The following DNAI4 variants were observed in gnomAD, a reference collection of about 807,000 sequenced individuals.
DNAI4 encodes dynein axonemal intermediate chain 4.
A neutral mutation model predicts 105.8 loss-of-function variants in DNAI4; 85 were observed. That is an observed-to-expected ratio of 0.80 (90% confidence interval 0.67 to 0.96). DNAI4 has a LOEUF of 0.96. Ranked by LOEUF, DNAI4 falls within the 40% of genes least tolerant of loss-of-function variation. The probability of loss-of-function intolerance (pLI) is 0.00; values close to 1 mark genes in which losing one functional copy is unlikely to be tolerated. For missense variants in DNAI4, 1,014 were observed against 1,005.6 expected, an observed-to-expected ratio of 1.01 and a Z score of -0.11; for synonymous variants, 352 against 331.5, an observed-to-expected ratio of 1.06 and a Z score of -0.67.
intron 5 of DNAI4, among the ~76,000 whole-genome samples, chr1:66,872,703 A>G (rs940958110): frequency 2.0e-5 from 3 of 152,016 alleles, no homozygotes; most frequent in African/African-American, 7.2e-5. Context: ...TTATATTCCA[A>G]TGCTCTTATT....
At chr1:66,825,650 G>A (rs1180032266) in intron 15 of DNAI4, among the ~76,000 whole-genome samples, 4 of 152,116 alleles carry the variant, frequency 2.6e-5, no homozygotes, top group African/African-American at 7.2e-5. Flanking sequence ...AAAATGTGTT[G>A]TCCTGGGAAT....
intron 1 of DNAI4, 128 bp from the exon 2 acceptor site, chr1:66,905,503 A>G (rs1649176058): frequency 1.8e-6 from 1 of 543,934 alleles, no homozygotes. Context: ...AAATAATGAT[A>G]ACTATTTGAA....
intron 7 of DNAI4, among the ~76,000 whole-genome samples, chr1:66,854,566 C>A (rs940463853): frequency 6.6e-6 from 1 of 152,088 alleles, no homozygotes; most frequent in Non-Finnish European, 1.5e-5. Context: ...CACTGGGAGG[C>A]GGAGGCAGGC....
chr1:66,891,929 C>T (rs1232710184), intron 3 of DNAI4, among the ~76,000 whole-genome samples: 2 of 152,156 alleles, frequency 1.3e-5, no homozygotes, highest in African/African-American at 4.8e-5. Context: ...CTCAATCTTA[C>T]AGAGCTCTCT....
intron 15 of DNAI4, among the ~76,000 whole-genome samples, chr1:66,826,012 A>G (rs1174896308): frequency 6.6e-6 from 1 of 152,098 alleles, no homozygotes; most frequent in Non-Finnish European, 1.5e-5. Flanking sequence ...GGAAGAATAA[A>G]TTAATTTAGA....
intron 7 of DNAI4, chr1:66,848,361 C>A (rs1450397065): frequency 2.4e-6 from 1 of 418,482 alleles, no homozygotes; most frequent in Non-Finnish European, 4.7e-6. Flanking sequence ...AGACTGGGCC[C>A]AATAAGATTA....
intron 1 of DNAI4, among the ~76,000 whole-genome samples, chr1:66,911,204 CACTT>C (rs1301259281): frequency 6.6e-6 from 1 of 152,158 alleles, no homozygotes; most frequent in Non-Finnish European, 1.5e-5. Flanking sequence ...CTCAGAGAAA[CACTT>C]ACTTTTACTG....
chr1:66,911,747 C>T (rs897782181), intron 1 of DNAI4, among the ~76,000 whole-genome samples: 3 of 152,246 alleles, frequency 2.0e-5, no homozygotes, highest in African/African-American at 7.2e-5. Context: ...TTGCCTTACT[C>T]TTCATACTTG....
intron 5 of DNAI4, among the ~76,000 whole-genome samples, chr1:66,873,698 A>G (rs1646897841): frequency 6.6e-6 from 1 of 152,168 alleles, no homozygotes; most frequent in Admixed American, 6.5e-5. Context: ...TAACACAAGA[A>G]TCTCTCTTTC....
intron 6 of DNAI4, among the ~76,000 whole-genome samples, chr1:66,865,359 G>A (rs1646712034): frequency 6.6e-6 from 1 of 152,110 alleles, no homozygotes. Context: ...GGGAGGCAGA[G>A]GTTGCAGTGA....
chr1:66,916,912 C>T (rs1339012781), intron 1 of DNAI4, among the ~76,000 whole-genome samples: 2 of 151,242 alleles, frequency 1.3e-5, no homozygotes, highest in Non-Finnish European at 2.9e-5. Context: ...TTCCTTATCA[C>T]TTTGGTTAAA....
At position 66,826,906 on chromosome 1, in the gene DNAI4, G is replaced by A. The variant is rs369539029; in HGVS notation, c.2253C>T (p.Tyr751=). The A allele has an allele frequency of 2.0e-5, 33 of 1,613,950 alleles. No homozygotes were observed. The highest frequency in any genetic ancestry group is 8.0e-5 in the African/African-American group (6 of 74,884). ...LSFYPATSVV[Y]DVAWSPKSSY... Reference sequence around the variant, plus strand: ...ATGATTTTGGAGACCAGGCAACGTCGTAAACAACAGAAGTAGCTGGATAAA... The same window carrying A: ...ATGATTTTGGAGACCAGGCAACGTCATAAACAACAGAAGTAGCTGGATAAA... The change falls in exon 15 of 17, where the codon TAC becomes TAT. Residue 751 remains tyrosine, a synonymous_variant. Coordinates refer to ENST00000371026, the MANE Select transcript of DNAI4 (RefSeq NM_024763.5).
rs536495401 is a variant in DNAI4 at position 66,864,239 on chromosome 1, C to A, written c.941-1937G>T. ...AGTGCAGTTTTGTATATAATTCTAACTCAATAAAGCTGTTAAAAAAGTCTC... is the reference window on the plus strand; with the variant it reads ...AGTGCAGTTTTGTATATAATTCTAAATCAATAAAGCTGTTAAAAAAGTCTC... On this transcript the variant is annotated intron_variant, in intron 6 of 16. Transcript: ENST00000371026. Among the ~76,000 whole-genome samples, 3 of 152,220 alleles carry A rather than the reference C, an allele frequency of 2.0e-5. No individual in the cohort carries two copies. The East Asian group carries it at 5.8e-4, about 29-fold the overall frequency.
At chr1:66,897,867 A>G (rs1648461396) in intron 2 of DNAI4, among the ~76,000 whole-genome samples, 1 of 152,208 alleles carries the variant, frequency 6.6e-6, no homozygotes. Context: ...TCACAGGGGC[A>G]AAACCACTGC....
At chr1:66,850,173 C>A (rs1293535247) in intron 7 of DNAI4, among the ~76,000 whole-genome samples, 3 of 143,214 alleles carry the variant, frequency 2.1e-5, no homozygotes, top group African/African-American at 5.2e-5. Context: ...TAGAAAGCAG[C>A]AAGAGAGAAA....
At chr1:66,909,991 T>A (rs1298535520) in intron 1 of DNAI4, among the ~76,000 whole-genome samples, 1 of 152,172 alleles carries the variant, frequency 6.6e-6, no homozygotes, top group Non-Finnish European at 1.5e-5. Flanking sequence ...CGCTTCATCT[T>A]CCTACTTAAC....
chr1:66,824,964 G>A lies in DNAI4; in HGVS notation c.2339+1856C>T, dbSNP rs535541465. Among the ~76,000 whole-genome samples, 3 of 152,220 alleles carry A rather than the reference G, an allele frequency of 2.0e-5. No homozygotes were observed. The South Asian group carries it at 6.2e-4, about 32-fold the overall frequency. ...TCAAGATTGCAACATGACTCCTGCT[G>A]GAAATTCCAGCCCGCCAGCCTGCAC... On this transcript the variant is annotated intron_variant, in intron 15 of 16. Coordinates refer to ENST00000371026, the MANE Select transcript of DNAI4 (RefSeq NM_024763.5).
intron 4 of DNAI4, among the ~76,000 whole-genome samples, chr1:66,888,521 C>T (rs1272046662): frequency 2.0e-5 from 3 of 152,054 alleles, no homozygotes; most frequent in African/African-American, 7.2e-5. Flanking sequence ...GGTGAAACCC[C>T]GTCTCTACTA....
At position 66,882,532 on chromosome 1, in the gene DNAI4, T is replaced by C. The variant is rs3008876; in HGVS notation, c.644-7595A>G. On this transcript the variant is annotated intron_variant, in intron 4 of 16. Transcript: ENST00000371026. ...ATGCTCTCTCTCTCTCTCTTTTTTT[T>C]TGCATATGGATGTTCAATTTTTCCA... 7.9e-3 allele frequency among the ~76,000 whole-genome samples: 1,205 copies of C among 152,278 alleles called. 15 individuals carry two copies. Among genetic ancestry groups the C allele is most frequent in the African/African-American group, 0.028 (1,160 of 41,556 alleles).
Sources: allele counts gnomAD v4.1 joint callset (sites outside exome capture counted in the v4.1 genomes callset), GRCh38; gene constraint gnomAD v4.1.1; transcripts MANE v1.5; gene names NCBI Gene and HGNC (gene_info 2026-07-23, HGNC 2026-07-21).